PTPRN2: variants seen among roughly 807,000 people sequenced by gnomAD.
PTPRN2 encodes protein tyrosine phosphatase receptor type N2.
A neutral mutation model predicts 118.8 loss-of-function variants in PTPRN2; 74 were observed. The observed-to-expected ratio is 0.62, with a 90% CI of 0.52 to 0.76. PTPRN2 has a LOEUF of 0.76. Among genes scored for constraint, PTPRN2 ranks in the 30% least tolerant of loss-of-function variants. PTPRN2 has a pLI of 0.00. For missense variants in PTPRN2, 1,481 were observed against 1,394.4 expected (o/e 1.06, Z -0.99); for synonymous variants, 641 against 608.0 (o/e 1.05, Z -0.80).
At chr7:158,025,205 G>T (rs532539991) in intron 11 of PTPRN2, among the ~76,000 whole-genome samples, 1 of 152,272 alleles carries the variant, frequency 6.6e-6, no homozygotes, top group African/African-American at 2.4e-5. Context: ...GGAGAGCCGC[G>T]CCTCCTTGTC....
chr7:157,800,724 G>A (rs937078720), intron 12 of PTPRN2, among the ~76,000 whole-genome samples: 5 of 150,720 alleles, frequency 3.3e-5, no homozygotes, highest in South Asian at 4.2e-4. Flanking sequence ...AGGCCGAGGC[G>A]GGCGGATCAC....
chr7:158,515,713 C>T (rs1823504268), intron 1 of PTPRN2, among the ~76,000 whole-genome samples: 2 of 152,122 alleles, frequency 1.3e-5, no homozygotes, highest in African/African-American at 4.8e-5. Context: ...CTTCCTGTTT[C>T]CCTACTCTCC....
Position 157,993,873 on chromosome 7 carries a change from G to A in PTPRN2, c.1723+87425C>T, listed in dbSNP as rs565145322. On this transcript the variant is annotated intron_variant, in intron 11 of 22. Coordinates refer to ENST00000389418, the MANE Select transcript of PTPRN2 (RefSeq NM_002847.5). Reference sequence around the variant, plus strand: ...CTCTCCCTAAAATGCCAATGGCCTCGGAAGACAAAACCCAAGGGGGGTCAG... The same window carrying A: ...CTCTCCCTAAAATGCCAATGGCCTCAGAAGACAAAACCCAAGGGGGGTCAG... Among the ~76,000 whole-genome samples, 9 of 152,214 alleles carry A rather than the reference G, an allele frequency of 5.9e-5. No homozygotes were observed. In the East Asian group the frequency reaches 7.7e-4, roughly 13 times the overall value.
At chr7:158,343,578 G>A (rs569150813) in intron 2 of PTPRN2, among the ~76,000 whole-genome samples, 10 of 149,192 alleles carry the variant, frequency 6.7e-5, no homozygotes, top group Admixed American at 2.0e-4. Context: ...AGCAGGGCTC[G>A]CGCAGAGGCT....
chr7:158,440,123 G>C (rs1816877978), intron 2 of PTPRN2, among the ~76,000 whole-genome samples: 1 of 152,186 alleles, frequency 6.6e-6, no homozygotes, highest in African/African-American at 2.4e-5. Context: ...CCCAAATTCA[G>C]TTGCAACAAC....
chr7:158,102,172 AGC>A (rs2150348887), intron 10 of PTPRN2, among the ~76,000 whole-genome samples: 1 of 152,324 alleles, frequency 6.6e-6, no homozygotes, highest in African/African-American at 2.4e-5. Context: ...GGCAGCCATC[AGC>A]AGCAGGGCGG....
intron 13 of PTPRN2, among the ~76,000 whole-genome samples, chr7:157,662,665 A>G (rs1355577044): frequency 6.6e-6 from 1 of 152,100 alleles, no homozygotes; most frequent in Non-Finnish European, 1.5e-5. Flanking sequence ...GGTGCGTAAG[A>G]GCTTCCACGG....
chr7:157,604,597 A>G (rs760332689), intron 15 of PTPRN2, among the ~76,000 whole-genome samples: 1 of 152,268 alleles, frequency 6.6e-6, no homozygotes, highest in Non-Finnish European at 1.5e-5. Context: ...GTTTCAAAAT[A>G]GAAAGTTTCA....
chr7:157,966,974 G>A (rs1801988973), intron 11 of PTPRN2, among the ~76,000 whole-genome samples: 1 of 152,146 alleles, frequency 6.6e-6, no homozygotes, highest in Non-Finnish European at 1.5e-5. Flanking sequence ...AAGTATATTT[G>A]TTTTCTTTGG....
intron 3 of PTPRN2, among the ~76,000 whole-genome samples, chr7:158,240,210 C>G (rs1453822322): frequency 6.6e-6 from 1 of 151,964 alleles, no homozygotes; most frequent in African/African-American, 2.4e-5. Context: ...TAATTTCTCT[C>G]TCCTATTAAC....
chr7:157,616,482 C>T (rs1204364971), intron 15 of PTPRN2: 2 of 152,216 alleles, frequency 1.3e-5, no homozygotes, highest in African/African-American at 4.8e-5. Flanking sequence ...CTGCCCAGAA[C>T]AGCTTCTGCC....
At chr7:157,702,764 G>C (rs1486044959) in intron 12 of PTPRN2, among the ~76,000 whole-genome samples, 2 of 152,218 alleles carry the variant, frequency 1.3e-5, no homozygotes, top group African/African-American at 4.8e-5. Context: ...CACCAGAAAA[G>C]TGCGTGTGTG....
chr7:158,523,738 AGTC>A lies in PTPRN2; in HGVS notation c.113-33956_113-33954del, dbSNP rs1433420157. 5.4e-4 allele frequency among the ~76,000 whole-genome samples: 45 copies of A among 84,040 alleles called. 1 individual carries two copies. Among genetic ancestry groups the A allele is most frequent in the African/African-American group, 1.9e-3 (32 of 17,140 alleles). The allele number at this position is 84,040 out of a possible 152,430, so 55.1% of individuals were successfully genotyped here. Reference sequence around the variant, plus strand: ...TGGAGTGGAGTCTGCCCTGGAGTGGAGTCGTCTGCCCTGGAGTGGAGTCGTCTA... The same window carrying A: ...TGGAGTGGAGTCTGCCCTGGAGTGGAGTCTGCCCTGGAGTGGAGTCGTCTA... On this transcript the variant is annotated intron_variant, in intron 1 of 22. Coordinates refer to ENST00000389418, the MANE Select transcript of PTPRN2 (RefSeq NM_002847.5).
At chr7:157,872,374 C>A (rs1584921975) in intron 12 of PTPRN2, among the ~76,000 whole-genome samples, 3 of 139,062 alleles carry the variant, frequency 2.2e-5, no homozygotes, top group African/African-American at 8.1e-5. Context: ...GTCCTCCCCC[C>A]ACACACATAC....
chr7:157,947,941 A>G (rs763310892), intron 11 of PTPRN2, among the ~76,000 whole-genome samples: 5 of 152,240 alleles, frequency 3.3e-5, no homozygotes, highest in Non-Finnish European at 7.3e-5. Context: ...TCAACCAATA[A>G]TTCTGTATCA....
chr7:157,925,449 G>C, intron 11 of PTPRN2, among the ~76,000 whole-genome samples: 1 of 152,230 alleles, frequency 6.6e-6, no homozygotes, highest in East Asian at 1.9e-4. Context: ...CATTTGCTAC[G>C]TCCAAATCAC....
At chr7:158,580,875 A>AAAGTCTCC (rs1465288552) in intron 1 of PTPRN2, among the ~76,000 whole-genome samples, 2 of 152,194 alleles carry the variant, frequency 1.3e-5, no homozygotes, top group African/African-American at 4.8e-5. Flanking sequence ...GGGAAGGACA[A>AAAGTCTCC]AAGTCTCCAA....
intron 11 of PTPRN2, among the ~76,000 whole-genome samples, chr7:157,989,342 C>G (rs1184430945): frequency 1.3e-5 from 2 of 152,238 alleles, no homozygotes; most frequent in Admixed American, 6.5e-5. Flanking sequence ...TCGCCTGAGC[C>G]CAGGAGGTCT....
intron 12 of PTPRN2, among the ~76,000 whole-genome samples, chr7:157,814,764 G>A (rs1369160939): frequency 6.6e-6 from 1 of 152,176 alleles, no homozygotes; most frequent in Non-Finnish European, 1.5e-5. Context: ...TCCATTATTT[G>A]AAAATGTTTC....
Sources: gnomAD v4.1 joint callset for allele counts (sites outside exome capture counted in the v4.1 genomes callset) on GRCh38, gnomAD v4.1.1 for gene constraint, MANE v1.5 for transcripts, NCBI Gene and HGNC (gene_info 2026-07-23, HGNC 2026-07-21) for gene names.